The following IFT74 variants were observed in gnomAD, a reference collection of about 807,000 sequenced individuals.
IFT74 encodes intraflagellar transport 74.
In IFT74, 92 loss-of-function variants were observed where a neutral mutation model predicts 96.7. The observed-to-expected ratio is 0.95, with a 90% CI of 0.80 to 1.13. IFT74 has a LOEUF of 1.13. Ranked by LOEUF, IFT74 falls within the 50% of genes most tolerant of loss-of-function variation. The pLI, the probability that IFT74 is intolerant of heterozygous loss-of-function variation, is 0.00. For missense variants in IFT74, 811 were observed against 698.2 expected (o/e 1.16, Z -1.82); for synonymous variants, 223 against 213.2 (o/e 1.05, Z -0.40).
At chr9:26,996,873 C>CT (rs763947702) in intron 8 of IFT74, among the ~76,000 whole-genome samples, 27 of 152,112 alleles carry the variant, frequency 1.8e-4, no homozygotes, top group Non-Finnish European at 3.4e-4. Context: ...ATTGACTTTG[C>CT]TAACAATACA....
chr9:27,047,201 A>C, intron 14 of IFT74, 73 bp from the exon 15 acceptor site: 1 of 886,414 alleles, frequency 1.1e-6, no homozygotes, highest in East Asian at 2.8e-5. Context: ...AGCACTCTTA[A>C]GAACTGCAAA....
chr9:26,992,480 G>A (rs1220382236), intron 8 of IFT74, among the ~76,000 whole-genome samples: 1 of 152,072 alleles, frequency 6.6e-6, no homozygotes, highest in Non-Finnish European at 1.5e-5. Flanking sequence ...ATCACCTGAG[G>A]TCAGGAGTTC....
At chr9:27,003,771 A>G (rs1006615727) in intron 8 of IFT74, among the ~76,000 whole-genome samples, 3 of 152,206 alleles carry the variant, frequency 2.0e-5, no homozygotes, top group Admixed American at 2.0e-4. Context: ...ATTTGGATGT[A>G]GATCATAATA....
chr9:27,026,667 G>A (rs535990075), intron 12 of IFT74, among the ~76,000 whole-genome samples: 1 of 152,084 alleles, frequency 6.6e-6, no homozygotes, highest in South Asian at 2.1e-4. Context: ...AACTCCAAAA[G>A]GAACCTTAAA....
chr9:26,986,312 G>GT (rs1430288577), intron 6 of IFT74, among the ~76,000 whole-genome samples: 1 of 147,210 alleles, frequency 6.8e-6, no homozygotes, highest in Non-Finnish European at 1.5e-5. Flanking sequence ...TTTGTTTTTT[G>GT]TTTTTTTGTT....
At chr9:26,961,157 C>G (rs1196690425) in intron 1 of IFT74, among the ~76,000 whole-genome samples, 2 of 146,566 alleles carry the variant, frequency 1.4e-5, no homozygotes, top group East Asian at 2.0e-4. Context: ...GTAGCGCAAT[C>G]TCGGCTCACT....
At chr9:27,033,467 G>A (rs562271643) in intron 13 of IFT74, among the ~76,000 whole-genome samples, 1 of 151,280 alleles carries the variant, frequency 6.6e-6, no homozygotes, top group East Asian at 1.9e-4. Context: ...GCTAAGGTAG[G>A]ATGATTACTT....
chr9:26,967,198 A>G, intron 2 of IFT74, among the ~76,000 whole-genome samples: 1 of 151,950 alleles, frequency 6.6e-6, no homozygotes, highest in Admixed American at 6.6e-5. Flanking sequence ...TATTCTGGAT[A>G]TTTTGACAAT....
At chr9:27,015,837 T>G (rs191902969) in intron 10 of IFT74, among the ~76,000 whole-genome samples, 217 of 152,314 alleles carry the variant, frequency 1.4e-3, no homozygotes, top group African/African-American at 4.9e-3. Context: ...ATAGTAGAGA[T>G]AGCATATAAA....
At chr9:27,050,448 A>T (rs1019646476) in intron 16 of IFT74, among the ~76,000 whole-genome samples, 3 of 152,190 alleles carry the variant, frequency 2.0e-5, no homozygotes, top group African/African-American at 7.2e-5. Flanking sequence ...ATACAAATAA[A>T]CAAAGTTGAG....
chr9:26,950,009 C>T (rs944077736), intron 1 of IFT74, among the ~76,000 whole-genome samples: 21 of 152,040 alleles, frequency 1.4e-4, no homozygotes, highest in Admixed American at 1.3e-3. Context: ...GCAGGAGGCT[C>T]TATAGAAAAG....
At chr9:26,999,339 C>T (rs2131578815) in intron 8 of IFT74, among the ~76,000 whole-genome samples, 1 of 152,058 alleles carries the variant, frequency 6.6e-6, no homozygotes, top group South Asian at 2.1e-4. Flanking sequence ...AAAAAGTTTC[C>T]TACATTTTAA....
chr9:26,965,453 A>T (rs1028739474), intron 2 of IFT74, among the ~76,000 whole-genome samples: 3 of 152,134 alleles, frequency 2.0e-5, no homozygotes, highest in African/African-American at 7.2e-5. Context: ...GTTTCAGGTA[A>T]TAATATTAGG....
intron 16 of IFT74, among the ~76,000 whole-genome samples, chr9:27,050,899 A>T (rs1040856359): frequency 6.6e-5 from 10 of 151,984 alleles, no homozygotes; most frequent in African/African-American, 1.9e-4. Context: ...TATATATATA[A>T]AAGATTTTTG....
chr9:26,970,219 T>G (rs1458235481), intron 2 of IFT74, among the ~76,000 whole-genome samples: 1 of 152,198 alleles, frequency 6.6e-6, no homozygotes, highest in Non-Finnish European at 1.5e-5. Context: ...ACCTATTTAA[T>G]ATTTGCATTT....
intron 8 of IFT74, among the ~76,000 whole-genome samples, chr9:26,996,932 C>G (rs895120555): frequency 6.6e-6 from 1 of 152,068 alleles, no homozygotes; most frequent in Non-Finnish European, 1.5e-5. Context: ...CATTTCTGGC[C>G]GGGCGCAGAG....
chr9:26,976,880 T>C, intron 2 of IFT74: 1 of 435,182 alleles, frequency 2.3e-6, no homozygotes, highest in South Asian at 1.7e-5. Flanking sequence ...TAGAGAATCT[T>C]GTTGAGTAAT....
At chr9:26,997,978 AC>A in intron 8 of IFT74, 2 of 1,613,936 alleles carry the variant, frequency 1.2e-6, no homozygotes, top group Non-Finnish European at 1.7e-6. Context: ...CTAAAAATGC[AC>A]CCTGTTGAAT....
chr9:27,013,969 A>G (rs1489811726), intron 10 of IFT74, among the ~76,000 whole-genome samples: 1 of 152,234 alleles, frequency 6.6e-6, no homozygotes, highest in East Asian at 1.9e-4. Context: ...TAATCCCAGC[A>G]CTTTGGGAGG....
Sources: gnomAD v4.1 joint callset for allele counts (sites outside exome capture counted in the v4.1 genomes callset) on GRCh38, gnomAD v4.1.1 for gene constraint, MANE v1.5 for transcripts, NCBI Gene and HGNC (gene_info 2026-07-23, HGNC 2026-07-21) for gene names.